The following DDAH1 variants were observed in gnomAD, a reference collection of about 807,000 sequenced individuals.
The protein encoded by DDAH1 is N(G),N(G)-dimethylarginine dimethylaminohydrolase 1.
In DDAH1, 19 loss-of-function variants were observed where a neutral mutation model predicts 28.8. The ratio of observed to expected loss-of-function variants is 0.66; its 90% CI spans 0.46 to 0.97. The LOEUF is 0.97. Ranked by LOEUF, DDAH1 falls within the 50% of genes least tolerant of loss-of-function variation. The pLI, the probability that DDAH1 is intolerant of heterozygous loss-of-function variation, is 0.00. For missense variants in DDAH1, 326 were observed against 375.9 expected (o/e 0.87, Z 1.10); for synonymous variants, 153 against 154.4 (o/e 0.99, Z 0.07).
At chr1:85,410,932 G>C (rs764927077) in intron 1 of DDAH1, among the ~76,000 whole-genome samples, 1 of 152,180 alleles carries the variant, frequency 6.6e-6, no homozygotes, top group Non-Finnish European at 1.5e-5. Flanking sequence ...GACAGGTGTG[G>C]GAAAGAGGGA....
chr1:85,530,245 G>A (rs1370515711), intron 1 of DDAH1, among the ~76,000 whole-genome samples: 2 of 152,154 alleles, frequency 1.3e-5, no homozygotes, highest in Non-Finnish European at 2.9e-5. Flanking sequence ...GCTCAGTGGA[G>A]GTACAAACTG....
intron 4 of DDAH1, among the ~76,000 whole-genome samples, chr1:85,330,660 C>G (rs1255690287): frequency 6.6e-6 from 1 of 152,188 alleles, no homozygotes; most frequent in Non-Finnish European, 1.5e-5. Flanking sequence ...GGGGAAAGAT[C>G]TGAGAAGTCA....
intron 1 of DDAH1, chr1:85,404,524 A>G (rs1005219582): frequency 1.4e-6 from 2 of 1,405,794 alleles, no homozygotes; most frequent in African/African-American, 1.4e-5. Context: ...GGAGCAAATA[A>G]TAACACTAAC....
intron 1 of DDAH1, among the ~76,000 whole-genome samples, chr1:85,563,895 T>C (rs1311149519): frequency 6.6e-6 from 1 of 152,238 alleles, no homozygotes; most frequent in Non-Finnish European, 1.5e-5. Flanking sequence ...TGTCTAGAGC[T>C]GGGCGTGATG....
chr1:85,371,831 A>T (rs1650400596), intron 1 of DDAH1, among the ~76,000 whole-genome samples: 1 of 152,214 alleles, frequency 6.6e-6, no homozygotes, highest in Non-Finnish European at 1.5e-5. Flanking sequence ...CTGCATAAGT[A>T]AGGCTGCATT....
At chr1:85,572,173 A>G (rs1387980093) in intron 1 of DDAH1, among the ~76,000 whole-genome samples, 1 of 152,178 alleles carries the variant, frequency 6.6e-6, no homozygotes, top group East Asian at 1.9e-4. Context: ...CCCAGAGGAA[A>G]TAGAAACAAG....
At chr1:85,379,933 T>G (rs1650889969) in intron 1 of DDAH1, among the ~76,000 whole-genome samples, 1 of 152,196 alleles carries the variant, frequency 6.6e-6, no homozygotes, top group Non-Finnish European at 1.5e-5. Flanking sequence ...TTGCAAAGCC[T>G]CCTAACTGGT....
intron 1 of DDAH1, among the ~76,000 whole-genome samples, chr1:85,404,697 C>T (rs1248436508): frequency 6.6e-6 from 1 of 152,136 alleles, no homozygotes; most frequent in African/African-American, 2.4e-5. Flanking sequence ...TGTTTTATAA[C>T]ACACTTCTGA....
chr1:85,377,040 T>C (rs1650710087), intron 1 of DDAH1, among the ~76,000 whole-genome samples: 1 of 152,112 alleles, frequency 6.6e-6, no homozygotes, highest in Non-Finnish European at 1.5e-5. Context: ...GAGAATTAAA[T>C]GAAAAGAAAC....
chr1:85,551,345 G>T (rs1332847140), intron 1 of DDAH1, among the ~76,000 whole-genome samples: 1 of 152,192 alleles, frequency 6.6e-6, no homozygotes, highest in Admixed American at 6.5e-5. Flanking sequence ...CTACTACTCT[G>T]GGATCTGCTG....
chr1:85,576,104 A>G (rs903463265), intron 1 of DDAH1, among the ~76,000 whole-genome samples: 8 of 147,388 alleles, frequency 5.4e-5, no homozygotes, highest in African/African-American at 2.0e-4. Context: ...AAAAAAAAAG[A>G]AAATGGTGTT....
rs956460393 is a variant in DDAH1, at chr1:85,546,101, C to T, written c.-123+31883G>A. 3.3e-5 allele frequency among the ~76,000 whole-genome samples: 5 copies of T among 149,602 alleles called. No individual in the cohort carries two copies. In the Admixed American group the frequency reaches 3.3e-4, roughly 10 times the overall value. On this transcript the variant is annotated intron_variant, in intron 1 of 6. Coordinates refer to the DDAH1 transcript ENST00000426972. The stretch of plus-strand genomic sequence containing the variant: ...GTAAATGCTGAGTACAAGTTTATGA[C>T]TACTATTTGCTATGATTTGAATGTG...
At chr1:85,324,302 A>AATAATAATAATAATAAG (rs1647231028) in intron 5 of DDAH1, among the ~76,000 whole-genome samples, 1 of 99,528 alleles carries the variant, frequency 1.0e-5, no homozygotes, top group African/African-American at 3.6e-5. Flanking sequence ...ATAATAATAA[A>AATAATAATAATAATAAG]TAAAAAAATA....
At chr1:85,471,871 G>A (rs1170898405) in intron 2 of DDAH1, among the ~76,000 whole-genome samples, 2 of 152,256 alleles carry the variant, frequency 1.3e-5, no homozygotes, top group East Asian at 3.9e-4. Flanking sequence ...AATTTCTGTA[G>A]CTCTTTCTGT....
In DDAH1 at chr1:85,319,356, AC is replaced by A. The variant is rs1238352535; in HGVS notation, c.*2095del. ...ACAGCCTTCTGCAGAACAAATTGTTACAAAGAAAAATCTATTTGCTTGCAAT... is the reference window on the plus strand; with the variant it reads ...ACAGCCTTCTGCAGAACAAATTGTTAAAAGAAAAATCTATTTGCTTGCAAT... On this transcript the variant is annotated 3_prime_UTR_variant, in exon 6 of 6. Coordinates refer to ENST00000284031, the MANE Select transcript of DDAH1 (RefSeq NM_012137.4). 6.6e-6 allele frequency: 1 copy of A among 152,242 alleles called. No individual in the cohort carries two copies. The highest frequency in any genetic ancestry group is 1.5e-5 in the Non-Finnish European group (1 of 68,040). 9.4% of individuals were successfully genotyped at this position (152,242 alleles called of 1,614,324 possible).
intron 1 of DDAH1, among the ~76,000 whole-genome samples, chr1:85,550,000 C>T (rs929330035): frequency 2.0e-5 from 3 of 152,110 alleles, no homozygotes; most frequent in Non-Finnish European, 4.4e-5. Context: ...TGCCAAGGGG[C>T]TCTTTAAAAT....
chr1:85,483,971 G>T (rs1472282472), intron 2 of DDAH1, among the ~76,000 whole-genome samples: 6 of 152,154 alleles, frequency 3.9e-5, no homozygotes, highest in Non-Finnish European at 5.9e-5. Context: ...CTAAGGGGCT[G>T]GGGTTGTTTT....
At chr1:85,325,361 GCGCGCGCACACA>G (rs1219969932) in intron 4 of DDAH1, among the ~76,000 whole-genome samples, 1 of 151,924 alleles carries the variant, frequency 6.6e-6, no homozygotes, top group African/African-American at 2.4e-5. Flanking sequence ...GCGTGCGCGC[GCGCGCGCACACA>G]CACACGCTTT....
chr1:85,363,907 T>C (rs1424761024), intron 1 of DDAH1, among the ~76,000 whole-genome samples: 1 of 14,348 alleles, frequency 7.0e-5, no homozygotes, highest in Non-Finnish European at 1.7e-4. Context: ...GGATGTCAAC[T>C]TTTTTTTTTT....
Sources: gnomAD v4.1 joint callset for allele counts (sites outside exome capture counted in the v4.1 genomes callset) on GRCh38, gnomAD v4.1.1 for gene constraint, MANE v1.5 for transcripts, NCBI Gene and HGNC (gene_info 2026-07-23, HGNC 2026-07-21) for gene names.